The following TMPRSS11D variants were observed in gnomAD, a reference collection of about 807,000 sequenced individuals.
The protein encoded by TMPRSS11D is transmembrane serine protease 11D, also known as transmembrane protease serine 11D.
A neutral mutation model predicts 44.4 loss-of-function variants in TMPRSS11D; 32 were observed. The observed-to-expected ratio is 0.72, with a 90% CI of 0.54 to 0.97. The LOEUF (loss-of-function observed/expected upper bound fraction) is 0.97. TMPRSS11D is among the 50% of genes least tolerant of loss of function. The pLI is 0.00. For synonymous variants in TMPRSS11D, 179 were observed against 177.9 expected (o/e 1.01, Z -0.05); for missense variants, 446 against 502.6 (o/e 0.89, Z 1.08).
At chr4:67,843,516 A>G (rs983001515) in intron 3 of TMPRSS11D, among the ~76,000 whole-genome samples, 1 of 152,212 alleles carries the variant, frequency 6.6e-6, no homozygotes, top group African/African-American at 2.4e-5. Context: ...ATGGGTATGT[A>G]CACCTATTAT....
At chr4:67,851,292 CA>C (rs936273522) in intron 3 of TMPRSS11D, among the ~76,000 whole-genome samples, 1 of 152,172 alleles carries the variant, frequency 6.6e-6, no homozygotes, top group African/African-American at 2.4e-5. Context: ...CTTAAACCAA[CA>C]AGTGGTTCAG....
intron 1 of TMPRSS11D, among the ~76,000 whole-genome samples, chr4:67,879,531 C>G (rs1257179702): frequency 6.7e-6 from 1 of 149,662 alleles, no homozygotes; most frequent in Non-Finnish European, 1.5e-5. Flanking sequence ...TTAGTAGAAT[C>G]TAGTAACAGA....
At chr4:67,868,854 T>G (rs1345401270) in intron 1 of TMPRSS11D, among the ~76,000 whole-genome samples, 1 of 152,170 alleles carries the variant, frequency 6.6e-6, no homozygotes, top group Non-Finnish European at 1.5e-5. Flanking sequence ...ACAAATTTAT[T>G]AGTCCAGTAA....
intron 2 of TMPRSS11D, among the ~76,000 whole-genome samples, chr4:67,856,107 A>T (rs956475621): frequency 4.6e-5 from 7 of 152,172 alleles, no homozygotes; most frequent in Admixed American, 1.3e-4. Flanking sequence ...CAAAATACCA[A>T]CATCACTTTT....
At chr4:67,850,300 G>T (rs1451993295) in intron 3 of TMPRSS11D, among the ~76,000 whole-genome samples, 1 of 152,110 alleles carries the variant, frequency 6.6e-6, no homozygotes, top group African/African-American at 2.4e-5. Flanking sequence ...CCAGAAGGTG[G>T]CCCCTCAGAC....
At chr4:67,872,422 G>C (rs918556610) in intron 1 of TMPRSS11D, among the ~76,000 whole-genome samples, 1 of 151,890 alleles carries the variant, frequency 6.6e-6, no homozygotes, top group African/African-American at 2.4e-5. Flanking sequence ...GTTTAAATAT[G>C]TGATATTTTA....
rs530016707 is a variant in TMPRSS11D at position 67,830,200 on chromosome 4, A to G, written c.693-2680T>C. 2.6e-5 allele frequency among the ~76,000 whole-genome samples: 4 copies of G among 152,200 alleles called. No individual in the cohort carries two copies. In the East Asian group the frequency reaches 7.7e-4, roughly 29 times the overall value. On this transcript the variant is annotated intron_variant, in intron 7 of 9. Transcript: ENST00000283916. ...ACTTATTTAAATTAAAGACATATAC[A>G]TACAAAAAAACACTATAGGTTTTGT...
chr4:67,877,317 G>C (rs76728422), intron 1 of TMPRSS11D, among the ~76,000 whole-genome samples: 1 of 152,116 alleles, frequency 6.6e-6, no homozygotes, highest in Non-Finnish European at 1.5e-5. Flanking sequence ...TTTTGTGTGC[G>C]TAAGAATTAC....
In TMPRSS11D at chr4:67,825,822, A is replaced by G. The variant is rs919221466; in HGVS notation, c.1005T>C (p.Asp335=). The G allele has an allele frequency of 1.9e-6, 3 of 1,613,250 alleles. No individual in the cohort carries two copies. Among genetic ancestry groups the G allele is most frequent in the Non-Finnish European group, 2.5e-6 (3 of 1,179,464 alleles). The part of the protein sequence containing the change: ...RQGQVRIISN[D]VCNAPHSYNG... ...TATAACTATGTGGTGCATTACATAC[A>G]TCATTACTTATTATTCTGACCTGTC... is the stretch of plus-strand genomic sequence containing the variant. The change falls in exon 9 of 10, where the codon GAT becomes GAC. Residue 335 remains aspartate, a synonymous_variant. Coordinates refer to ENST00000283916, the MANE Select transcript of TMPRSS11D (RefSeq NM_004262.3).
At chr4:67,880,663 G>A (rs1022818361) in intron 1 of TMPRSS11D, among the ~76,000 whole-genome samples, 5 of 151,328 alleles carry the variant, frequency 3.3e-5, no homozygotes, top group African/African-American at 9.7e-5. Flanking sequence ...ACAGGTTTTT[G>A]CTCTGTCACC....
intron 2 of TMPRSS11D, among the ~76,000 whole-genome samples, chr4:67,858,568 G>A (rs549793832): frequency 1.3e-5 from 2 of 152,050 alleles, no homozygotes; most frequent in South Asian, 4.2e-4. Flanking sequence ...TGCACCATTG[G>A]AAGTATTTCA....
intron 1 of TMPRSS11D, among the ~76,000 whole-genome samples, chr4:67,871,081 G>A (rs1317047959): frequency 6.6e-6 from 1 of 152,030 alleles, no homozygotes; most frequent in African/African-American, 2.4e-5. Flanking sequence ...TTCAAGAACT[G>A]TTCCTAGGAA....
chr4:67,835,419 CT>C (rs1366075988), intron 5 of TMPRSS11D, among the ~76,000 whole-genome samples: 1 of 152,014 alleles, frequency 6.6e-6, no homozygotes, highest in Non-Finnish European at 1.5e-5. Context: ...TTTCAAGTTA[CT>C]CAATTTATAT....
At chr4:67,829,463 A>G (rs1324502422) in intron 7 of TMPRSS11D, among the ~76,000 whole-genome samples, 1 of 151,262 alleles carries the variant, frequency 6.6e-6, no homozygotes, top group African/African-American at 2.4e-5. Flanking sequence ...AAAAAAAAGG[A>G]CATTACCTTT....
At chr4:67,828,533 G>T (rs575702417) in intron 7 of TMPRSS11D, among the ~76,000 whole-genome samples, 2 of 152,198 alleles carry the variant, frequency 1.3e-5, no homozygotes, top group Admixed American at 6.5e-5. Context: ...CAACACCATA[G>T]ACATCTCAAC....
chr4:67,851,638 G>A (rs1206411330), intron 3 of TMPRSS11D, among the ~76,000 whole-genome samples: 2 of 152,120 alleles, frequency 1.3e-5, no homozygotes, highest in East Asian at 3.9e-4. Context: ...CCTCTGAGGT[G>A]GTCTGGGCAT....
chr4:67,822,331 G>A lies in TMPRSS11D; in HGVS notation c.*6C>T. On this transcript the variant is annotated 3_prime_UTR_variant, in exon 10 of 10. Transcript: ENST00000283916. Reference sequence around the variant, plus strand: ...CAGACTTTGCAACAGGGATGCACTTGTTGCACTAGATCCCAGTTTGTTGCC... The same window carrying A: ...CAGACTTTGCAACAGGGATGCACTTATTGCACTAGATCCCAGTTTGTTGCC... 2 of 1,613,540 alleles carry A rather than the reference G, an allele frequency of 1.2e-6. No homozygotes were observed. The highest frequency in any genetic ancestry group is 1.7e-6 in the Non-Finnish European group (2 of 1,179,572).
rs953711455 is a variant in TMPRSS11D at position 67,824,427 on chromosome 4, T to C, written c.1095+1305A>G. ...CGAGTTGTGTTGCTTATTTGATTGA[T>C]GGATTCTTTGGAAAGCTGTCATGAA... On this transcript the variant is annotated intron_variant, in intron 9 of 9. Coordinates refer to ENST00000283916, the MANE Select transcript of TMPRSS11D (RefSeq NM_004262.3). 3.9e-5 allele frequency among the ~76,000 whole-genome samples: 6 copies of C among 152,236 alleles called. No homozygotes were observed. The East Asian group carries it at 7.7e-4, about 20-fold the overall frequency.
intron 1 of TMPRSS11D, among the ~76,000 whole-genome samples, chr4:67,874,243 G>A (rs890470708): frequency 6.6e-6 from 1 of 152,072 alleles, no homozygotes; most frequent in African/African-American, 2.4e-5. Flanking sequence ...GGACAAAATC[G>A]CCTAACGATG....
Sources: allele counts gnomAD v4.1 joint callset (sites outside exome capture counted in the v4.1 genomes callset), GRCh38; gene constraint gnomAD v4.1.1; transcripts MANE v1.5; gene names NCBI Gene and HGNC (gene_info 2026-07-23, HGNC 2026-07-21).